The following PTGFRN variants were observed in gnomAD, a reference collection of about 807,000 sequenced individuals.
PTGFRN encodes prostaglandin F2 receptor inhibitor.
Under a neutral mutation model 83.2 loss-of-function variants are expected in PTGFRN, and 35 were observed. The observed-to-expected ratio is 0.42, with a 90% CI of 0.32 to 0.56. PTGFRN has a LOEUF of 0.56. Among genes scored for constraint, PTGFRN ranks in the 20% least tolerant of loss-of-function variants. The pLI is 0.11. For missense variants in PTGFRN, 1,051 were observed against 1,179.5 expected (o/e 0.89, Z 1.60); for synonymous variants, 519 against 498.6 (o/e 1.04, Z -0.55).
chr1:116,919,227 G>C (rs1224650276), intron 1 of PTGFRN, among the ~76,000 whole-genome samples: 3 of 152,180 alleles, frequency 2.0e-5, no homozygotes, highest in Non-Finnish European at 4.4e-5. Context: ...TGACTTAGAA[G>C]CATTAGCCCT....
In PTGFRN at chr1:116,987,633, TGA is replaced by T. The variant is rs1217221555; in HGVS notation, c.*670_*671del. 1 of 151,748 alleles carries T rather than the reference TGA, an allele frequency of 6.6e-6. No individual in the cohort carries two copies. 9.4% of individuals were successfully genotyped at this position (151,748 alleles called of 1,614,324 possible). The stretch of plus-strand genomic sequence containing the variant: ...CCATTTCTTTTGTATTTGTTTTCTG[TGA>T]GAGCACTGAAATGGCAGCCCTGGAA... On this transcript the variant is annotated 3_prime_UTR_variant, in exon 9 of 9. Transcript: ENST00000393203.
In PTGFRN at chr1:116,918,391, G is replaced by A. The variant is rs1649458584; in HGVS notation, c.49+8139G>A. 6.6e-6 allele frequency among the ~76,000 whole-genome samples: 1 copy of A among 152,188 alleles called. No individual in the cohort carries two copies. The highest frequency in any genetic ancestry group is 6.5e-5 in the Admixed American group (1 of 15,276). ...TTAAAAACAATATATTTAGAAGAATGCAAACATTAGTGTATGTAAGTTCCT... is the reference window on the plus strand; with the variant it reads ...TTAAAAACAATATATTTAGAAGAATACAAACATTAGTGTATGTAAGTTCCT... On this transcript the variant is annotated intron_variant, in intron 1 of 8. Transcript: ENST00000393203. This position sits in a 1 kb window ranked among gnomAD's most constrained non-coding sequence, Gnocchi z 4.1.
chr1:116,921,842 G>A (rs1041766463), intron 1 of PTGFRN, among the ~76,000 whole-genome samples: 1 of 152,088 alleles, frequency 6.6e-6, no homozygotes, highest in African/African-American at 2.4e-5. Context: ...CTGAGGCCAG[G>A]GGCTGTTATT....
intron 6 of PTGFRN, among the ~76,000 whole-genome samples, chr1:116,973,917 G>A (rs761144307): frequency 2.0e-5 from 3 of 152,208 alleles, no homozygotes; most frequent in Non-Finnish European, 2.9e-5. Context: ...CTGTTCCAGG[G>A]TGGAGGGTAG....
In PTGFRN at chr1:116,948,227, G is replaced by C. The variant is rs1393865011; in HGVS notation, c.833-965G>C. 2.6e-5 allele frequency among the ~76,000 whole-genome samples: 4 copies of C among 152,158 alleles called. No individual in the cohort carries two copies. In the South Asian group the frequency reaches 6.2e-4, roughly 24 times the overall value. ...TCACAAGTTGATGTTTTTCTACTCA[G>C]ATTACAGATGCTCTTTTAAAATCTT... is the stretch of plus-strand genomic sequence containing the variant. On this transcript the variant is annotated intron_variant, in intron 3 of 8. Coordinates refer to ENST00000393203, the MANE Select transcript of PTGFRN (RefSeq NM_020440.4).
At chr1:116,916,439 T>C (rs1034060998) in intron 1 of PTGFRN, among the ~76,000 whole-genome samples, 2 of 152,164 alleles carry the variant, frequency 1.3e-5, no homozygotes, top group Admixed American at 1.3e-4. Flanking sequence ...TAAAAGTGAC[T>C]CCAAGCCAAG....
At chr1:116,976,363 A>C (rs1651154734) in intron 7 of PTGFRN, among the ~76,000 whole-genome samples, 2 of 152,190 alleles carry the variant, frequency 1.3e-5, no homozygotes, top group African/African-American at 4.8e-5. Flanking sequence ...ACTTCAGGAA[A>C]TACAGAGAAC....
At chr1:116,976,964 A>G (rs987654038) in intron 7 of PTGFRN, among the ~76,000 whole-genome samples, 2 of 152,210 alleles carry the variant, frequency 1.3e-5, no homozygotes, top group African/African-American at 2.4e-5. Context: ...TCAGTGTGCT[A>G]TATTCAGGAG....
At chr1:116,966,250 G>A (rs985107389) in intron 5 of PTGFRN, among the ~76,000 whole-genome samples, 2 of 152,240 alleles carry the variant, frequency 1.3e-5, no homozygotes, top group Admixed American at 1.3e-4. Context: ...CCTAAAGTTA[G>A]CGTAGCCATA....
Position 116,967,117 on chromosome 1 carries a change from C to T in PTGFRN, c.1846C>T (p.Leu616=). ...ISLDQDSVVK[L]ENWTDASRVD... is the part of the protein sequence containing the mutation. ...TCTGGACCAGGATTCTGTGGTGAAG[C>T]TGGAGAATTGGACAGATGCATCACG... Residue 616 remains leucine (L), a synonymous_variant, in exon 6 of 9, where the codon CTG becomes TTG. Transcript: ENST00000393203. 1.2e-6 allele frequency: 2 copies of T among 1,614,188 alleles called. No homozygotes were observed. Among genetic ancestry groups the T allele is most frequent in the Non-Finnish European group, 1.7e-6 (2 of 1,180,036 alleles).
chr1:116,942,505 A>C (rs906953487), intron 2 of PTGFRN, among the ~76,000 whole-genome samples: 3 of 152,228 alleles, frequency 2.0e-5, no homozygotes, highest in African/African-American at 7.2e-5. Context: ...TTGTGAGGAC[A>C]GCTGAGTTAC....
chr1:116,931,496 CTTT>C (rs10597434), intron 1 of PTGFRN, among the ~76,000 whole-genome samples: 21,297 of 132,870 alleles, frequency 0.16, 2,680 homozygotes, highest in African/African-American at 0.36. Flanking sequence ...TGAACTTTTT[CTTT>C]TTTTTTTTTT....
chr1:116,957,645 C>T (rs950864813), intron 4 of PTGFRN, among the ~76,000 whole-genome samples: 1 of 152,150 alleles, frequency 6.6e-6, no homozygotes, highest in African/African-American at 2.4e-5. Context: ...AAGATCTGTT[C>T]TCTTAGCAGT....
In PTGFRN at chr1:116,974,387, G is replaced by T. The variant is rs7543662; in HGVS notation, c.2167+64G>T. The T allele has an allele frequency of 7.2e-4, 902 of 1,260,680 alleles. 4 individuals are homozygous for T. In the African/African-American group the frequency reaches 9.9e-3, roughly 14 times the overall value. The allele number at this position is 1,260,680 out of a possible 1,614,324, so 78.1% of individuals were successfully genotyped here. A position where few individuals can be genotyped will look rare whatever the true frequency, so the allele number is the denominator to read the frequency against. On this transcript the variant is annotated intron_variant, in intron 7 of 8. Transcript: ENST00000393203. ...TCTGTAAATGTTTCTCATATCATCC[G>T]CACTGTGTTACACAGATGTGGGTTA...
At chr1:116,951,149 C>A (rs143227719) in intron 4 of PTGFRN, among the ~76,000 whole-genome samples, 40 of 152,234 alleles carry the variant, frequency 2.6e-4, no homozygotes, top group Non-Finnish European at 4.6e-4. Context: ...TGCTTGCACT[C>A]CAATTTGAGG....
At chr1:116,949,614 C>G (rs777285018) in intron 4 of PTGFRN, 42 bp downstream of exon 4, 69 of 1,571,274 alleles carry the variant, frequency 4.4e-5, no homozygotes, top group Admixed American at 7.2e-5. Flanking sequence ...TTCAGCTTAA[C>G]CCCTCCTCGG....
At position 116,967,294 on chromosome 1, in the gene PTGFRN, C is replaced by T. The variant is rs1053341528; in HGVS notation, c.2023C>T (p.Leu675Phe). 6.2e-7 allele frequency: 1 copy of T among 1,613,764 alleles called. No homozygotes were observed. The highest frequency in any genetic ancestry group is 1.7e-5 in the Admixed American group (1 of 60,026). Residue 675 changes from leucine to phenylalanine, a missense_variant, in exon 6 of 9, where the codon CTC becomes TTC. Physicochemically the swap from Leu to Phe is conservative, Grantham distance 22 (BLOSUM62 0). Transcript: ENST00000393203. ...CCTTTGGCGAGAAGCAGCAACCAGT[C>T]TCTCCAATCCTATTGAGATAGACTT... The part of the protein sequence containing the change: ...GSLWREAATS[L>F]SNPIEIDFQT...
At chr1:116,957,123 CT>C (rs1557742695) in intron 4 of PTGFRN, among the ~76,000 whole-genome samples, 1 of 150,592 alleles carries the variant, frequency 6.6e-6, no homozygotes, top group Non-Finnish European at 1.5e-5. Context: ...CTCTCTCTCT[CT>C]CTTTCTCTCT....
At chr1:116,939,385 A>T (rs1650007195) in intron 1 of PTGFRN, among the ~76,000 whole-genome samples, 1 of 152,190 alleles carries the variant, frequency 6.6e-6, no homozygotes, top group South Asian at 2.1e-4. Context: ...CTGTGCACTC[A>T]CAGGCTTGAC....
Sources: allele counts gnomAD v4.1 joint callset (sites outside exome capture counted in the v4.1 genomes callset), GRCh38; gene constraint gnomAD v4.1.1; non-coding constraint Gnocchi (gnomAD v3.1); transcripts MANE v1.5; gene names NCBI Gene and HGNC (gene_info 2026-07-23, HGNC 2026-07-21).